Variants in CXCL13 observed in about 807,000 individuals in gnomAD.
The protein encoded by CXCL13 is C-X-C motif chemokine ligand 13, also known as C-X-C motif chemokine 13.
Under a neutral mutation model 12.2 loss-of-function variants are expected in CXCL13, and 7 were observed. The ratio of observed to expected loss-of-function variants is 0.57; its 90% CI spans 0.33 to 1.07. The LOEUF is 1.07. Ranked by LOEUF, CXCL13 falls within the 50% of genes least tolerant of loss-of-function variation. The pLI, the probability that CXCL13 is intolerant of heterozygous loss-of-function variation, is 0.04. For synonymous variants in CXCL13, 47 were observed against 42.4 expected, an observed-to-expected ratio of 1.11 and a Z score of -0.42; for missense variants, 113 against 127.4, an observed-to-expected ratio of 0.89 and a Z score of 0.55.
chr4:77,516,768 T>G (rs1724431950), intron 1 of CXCL13, among the ~76,000 whole-genome samples: 1 of 152,180 alleles, frequency 6.6e-6, no homozygotes, highest in East Asian at 1.9e-4. Context: ...AGCTCCTGGA[T>G]TCATTAATTT....
chr4:77,570,118 A>T (rs1726032978), intron 1 of CXCL13, among the ~76,000 whole-genome samples: 1 of 152,242 alleles, frequency 6.6e-6, no homozygotes, highest in African/African-American at 2.4e-5. Context: ...TTATAAAAAA[A>T]CTAATTCAAC....
intron 1 of CXCL13, among the ~76,000 whole-genome samples, chr4:77,561,045 T>A (rs886243390): frequency 6.6e-6 from 1 of 152,252 alleles, no homozygotes; most frequent in Non-Finnish European, 1.5e-5. Context: ...CATTTAAGGC[T>A]AACAGTTCTC....
At chr4:77,587,110 T>C (rs565847566) in intron 1 of CXCL13, among the ~76,000 whole-genome samples, 1 of 152,314 alleles carries the variant, frequency 6.6e-6, no homozygotes, top group African/African-American at 2.4e-5. Flanking sequence ...CTGGCTATAA[T>C]GCAGCCCAGA....
At chr4:77,545,487 G>A (rs1353952277) in intron 1 of CXCL13, among the ~76,000 whole-genome samples, 1 of 152,050 alleles carries the variant, frequency 6.6e-6, no homozygotes, top group East Asian at 1.9e-4. Flanking sequence ...GGATTCCTAG[G>A]TATTTTATTC....
At chr4:77,569,401 A>C (rs1726011621) in intron 1 of CXCL13, among the ~76,000 whole-genome samples, 1 of 152,194 alleles carries the variant, frequency 6.6e-6, no homozygotes, top group African/African-American at 2.4e-5. Flanking sequence ...TGAGCTGATA[A>C]ACAACTTCAG....
chr4:77,532,015 G>A (rs1204083895), intron 1 of CXCL13, among the ~76,000 whole-genome samples: 1 of 152,170 alleles, frequency 6.6e-6, no homozygotes, highest in Non-Finnish European at 1.5e-5. Flanking sequence ...GCCAGTCTGT[G>A]TCTTTTAATT....
intron 1 of CXCL13, among the ~76,000 whole-genome samples, chr4:77,548,869 T>C (rs1725438504): frequency 6.6e-6 from 1 of 152,194 alleles, no homozygotes; most frequent in Admixed American, 6.5e-5. Context: ...TTCCTGAATT[T>C]GAATGTTAGC....
chr4:77,564,686 T>C (rs1725883260), intron 1 of CXCL13, among the ~76,000 whole-genome samples: 1 of 152,224 alleles, frequency 6.6e-6, no homozygotes, highest in African/African-American at 2.4e-5. Flanking sequence ...ACCTAGCAAG[T>C]GCTGGAGCCT....
At chr4:77,515,212 T>A (rs1486966354) in intron 1 of CXCL13, among the ~76,000 whole-genome samples, 1 of 152,228 alleles carries the variant, frequency 6.6e-6, no homozygotes, top group African/African-American at 2.4e-5. Flanking sequence ...TACTGTAGCC[T>A]TGTAGTATAG....
chr4:77,579,166 T>C (rs1726259405), intron 1 of CXCL13, among the ~76,000 whole-genome samples: 1 of 152,220 alleles, frequency 6.6e-6, no homozygotes, highest in Admixed American at 6.5e-5. Flanking sequence ...AAACTGACAT[T>C]TGTTGGGAAA....
At chr4:77,528,122 T>A (rs1261246299) in intron 1 of CXCL13, among the ~76,000 whole-genome samples, 1 of 152,264 alleles carries the variant, frequency 6.6e-6, no homozygotes, top group Non-Finnish European at 1.5e-5. Flanking sequence ...TCCTTTTTCA[T>A]GGCTGCATAG....
chr4:77,587,011 C>T (rs926237885), intron 1 of CXCL13, among the ~76,000 whole-genome samples: 9 of 152,142 alleles, frequency 5.9e-5, no homozygotes, highest in African/African-American at 2.2e-4. Context: ...GGTGTGAAAC[C>T]ACACGGTAGC....
At chr4:77,608,067 G>A (rs886861733) in intron 2 of CXCL13, among the ~76,000 whole-genome samples, 7 of 152,106 alleles carry the variant, frequency 4.6e-5, no homozygotes, top group African/African-American at 1.7e-4. Context: ...ACTTTATTAA[G>A]GTAAGTCTAT....
intron 1 of CXCL13, among the ~76,000 whole-genome samples, chr4:77,526,071 G>A (rs1381509805): frequency 6.6e-6 from 1 of 152,056 alleles, no homozygotes; most frequent in Non-Finnish European, 1.5e-5. Flanking sequence ...AGGTATCACT[G>A]TGGTCCACAG....
At chr4:77,543,916 G>T (rs1403444503) in intron 1 of CXCL13, among the ~76,000 whole-genome samples, 2 of 152,104 alleles carry the variant, frequency 1.3e-5, no homozygotes, top group African/African-American at 2.4e-5. Flanking sequence ...CCCCATGACA[G>T]GTCCCGGTGT....
chr4:77,526,474 A>G (rs886948164), intron 1 of CXCL13, among the ~76,000 whole-genome samples: 5 of 152,024 alleles, frequency 3.3e-5, no homozygotes, highest in Admixed American at 3.3e-4. Context: ...ACAATACTAG[A>G]TAATATTAAA....
At chr4:77,604,718 A>G (rs1333644835), upstream of CXCL13, among the ~76,000 whole-genome samples, 1 of 152,134 alleles carries the variant, frequency 6.6e-6, no homozygotes, top group Non-Finnish European at 1.5e-5. Flanking sequence ...GTGTGGCATT[A>G]CCACTCCTCC....
chr4:77,573,623 TA>T (rs547828837), intron 1 of CXCL13, among the ~76,000 whole-genome samples: 1,719 of 151,852 alleles, frequency 0.011, 32 homozygotes, highest in Non-Finnish European at 0.013. Flanking sequence ...TCTTTTATTT[TA>T]AAAAAAATTG....
chr4:77,521,500 G>T (rs186539792), intron 1 of CXCL13, among the ~76,000 whole-genome samples: 2 of 152,286 alleles, frequency 1.3e-5, no homozygotes, highest in African/African-American at 4.8e-5. Flanking sequence ...TGGTTTATTT[G>T]TGTAGAGGTG....
Sources: allele counts gnomAD v4.1 joint callset (sites outside exome capture counted in the v4.1 genomes callset), GRCh38; gene constraint gnomAD v4.1.1; transcripts MANE v1.5; gene names NCBI Gene and HGNC (gene_info 2026-07-23, HGNC 2026-07-21).